Variants in EPG5 observed in about 807,000 individuals in gnomAD.
EPG5 encodes ectopic P-granules 5 autophagy tethering factor, also known as ectopic P granules protein 5 homolog.
In EPG5, 159 loss-of-function variants were observed where a neutral mutation model predicts 302.7. That is an observed-to-expected ratio of 0.53 (90% confidence interval 0.46 to 0.60). EPG5 has a LOEUF of 0.60. Among genes scored for constraint, EPG5 ranks in the 20% least tolerant of loss-of-function variants. The pLI is 0.00. For missense variants in EPG5, 2,896 were observed against 3,092.4 expected (o/e 0.94, Z 1.51); for synonymous variants, 1,158 against 1,136.8 (o/e 1.02, Z -0.37).
At chr18:45,811,689 A>C in the EPG5 span, among the ~76,000 whole-genome samples, 1 of 152,226 alleles carries the variant, frequency 6.6e-6, no homozygotes, top group Non-Finnish European at 1.5e-5. Context: ...CAATAGATGC[A>C]GAAAAGGCCT....
At chr18:45,861,010 A>G (rs1268083688) in intron 39 of EPG5, among the ~76,000 whole-genome samples, 2 of 152,228 alleles carry the variant, frequency 1.3e-5, no homozygotes, top group East Asian at 3.9e-4. Context: ...AAAACAGAAA[A>G]TATATTTTAC....
At chr18:45,880,606 A>T (rs964018585) in intron 31 of EPG5, among the ~76,000 whole-genome samples, 1 of 152,242 alleles carries the variant, frequency 6.6e-6, no homozygotes, top group African/African-American at 2.4e-5. Context: ...CGGAAACCAC[A>T]TGATGAAGGC....
chr18:45,953,395 T>A (rs752655677), intron 2 of EPG5: 1 of 985,252 alleles, frequency 1.0e-6, no homozygotes, highest in Non-Finnish European at 1.2e-6. Context: ...CTTGATTCTA[T>A]CCTCTCTTCT....
chr18:45,868,082 C>T (rs1432863698), intron 36 of EPG5: 2 of 470,364 alleles, frequency 4.3e-6, no homozygotes, highest in South Asian at 3.1e-5. Flanking sequence ...TCAGAATCCT[C>T]AGGTGTGCCA....
the EPG5 span, among the ~76,000 whole-genome samples, chr18:45,801,735 G>C: frequency 2.6e-5 from 4 of 152,134 alleles, no homozygotes; most frequent in Non-Finnish European, 5.9e-5. Context: ...ACTCCCAGGA[G>C]GAAGGGGTAC....
At chr18:45,819,163 CTA>C in the EPG5 span, among the ~76,000 whole-genome samples, 4 of 152,124 alleles carry the variant, frequency 2.6e-5, no homozygotes, top group African/African-American at 7.2e-5. Context: ...TAAATATCAC[CTA>C]TGTTTTCTTC....
chr18:45,816,057 C>T, the EPG5 span, among the ~76,000 whole-genome samples: 1 of 152,116 alleles, frequency 6.6e-6, no homozygotes, highest in Non-Finnish European at 1.5e-5. Context: ...CCCTTTTCAA[C>T]AAATGGTGCT....
chr18:45,860,032 T>C, intron 40 of EPG5, 72 bp downstream of exon 40: 2 of 1,565,174 alleles, frequency 1.3e-6, no homozygotes, highest in Non-Finnish European at 1.7e-6. Context: ...TGGAAACATA[T>C]CTGCTGATGA....
the EPG5 span, among the ~76,000 whole-genome samples, chr18:45,827,345 C>T: frequency 6.6e-6 from 1 of 152,162 alleles, no homozygotes; most frequent in East Asian, 2.0e-4. Context: ...TTGGCTGGGC[C>T]CCCCCACTAC....
chr18:45,903,970 CACCCAGCAAA>C lies in EPG5; in HGVS notation c.4467_4474+2del. On this transcript the variant is annotated splice_donor_variant and coding_sequence_variant, in exon 25 of 44. Transcript: ENST00000282041. LOFTEE classifies it high-confidence loss of function. ...CGAAGGGGCAGGTGCTCCCAGGACCCACCCAGCAAAGGATCAGTGAAGTCCAGCTGCACGG... is the reference window on the plus strand; with the variant it reads ...CGAAGGGGCAGGTGCTCCCAGGACCCGGATCAGTGAAGTCCAGCTGCACGG... 1 of 1,604,710 alleles carries C rather than the reference CACCCAGCAAA, an allele frequency of 6.2e-7. No homozygotes were observed. Among genetic ancestry groups the C allele is most frequent in the Non-Finnish European group, 8.5e-7 (1 of 1,177,996 alleles).
intron 10 of EPG5, among the ~76,000 whole-genome samples, chr18:45,937,586 T>G (rs189125147): frequency 1.3e-3 from 201 of 152,142 alleles, no homozygotes; most frequent in African/African-American, 4.7e-3. Context: ...TTTGTATTTT[T>G]AGTAGAGACA....
At chr18:45,930,988 C>G (rs2050385112) in intron 11 of EPG5, among the ~76,000 whole-genome samples, 158 bp from the exon 12 acceptor site, 1 of 152,218 alleles carries the variant, frequency 6.6e-6, no homozygotes, top group African/African-American at 2.4e-5. Flanking sequence ...AAGGCTGGAC[C>G]AGATGGCCTC....
chr18:45,880,178 A>T lies in EPG5; in HGVS notation c.5564T>A (p.Leu1855Gln). ...GGGGGCGCAGCAGCCCAGGGCTCTCAGAGTGGCCTTCCAACACTCGGGGCT... is the reference window on the plus strand; with the variant it reads ...GGGGGCGCAGCAGCCCAGGGCTCTCTGAGTGGCCTTCCAACACTCGGGGCT... Reference protein sequence around the residue: ...LLSPECWKATLRALGCCAPSC... With the variant: ...LLSPECWKATQRALGCCAPSC... Residue 1855 changes from leucine (L) to glutamine (Q), a missense_variant, in exon 32 of 44, where the codon CTG becomes CAG. Leu to Gln is a moderately radical substitution (Grantham distance 113). This residue lies in a region of EPG5 where 790 missense variants were observed against 798.0 expected (regional missense o/e 0.99). Coordinates refer to ENST00000282041, the MANE Select transcript of EPG5 (RefSeq NM_020964.3). The T allele has an allele frequency of 5.0e-6, 8 of 1,610,842 alleles. No homozygotes were observed. The highest frequency in any genetic ancestry group is 6.8e-6 in the Non-Finnish European group (8 of 1,178,204).
At chr18:45,842,280 C>A in the EPG5 span, 1 of 1,435,740 alleles carries the variant, frequency 7.0e-7, no homozygotes, top group Non-Finnish European at 9.8e-7. Context: ...GGTTCTCGGG[C>A]ACCTTGGCAG....
intron 22 of EPG5, among the ~76,000 whole-genome samples, chr18:45,911,669 T>C (rs1314302032): frequency 6.6e-6 from 1 of 152,126 alleles, no homozygotes; most frequent in Admixed American, 6.5e-5. Flanking sequence ...ACTCTTGACC[T>C]CAAGTGATCC....
At chr18:45,802,117 G>T in the EPG5 span, among the ~76,000 whole-genome samples, 1 of 152,130 alleles carries the variant, frequency 6.6e-6, no homozygotes, top group Non-Finnish European at 1.5e-5. Flanking sequence ...GTGGAGTGCT[G>T]ATGTGATGGA....
rs771184545 is a variant in EPG5 at position 45,850,394 on chromosome 18, A to T, written c.*2073T>A. ...GCTACAGCAGCATGGCCATGTCTGA[A>T]CTAGCTCAGTGTCTTTATAGCACGT... On this transcript the variant is annotated 3_prime_UTR_variant, in exon 44 of 44. Transcript: ENST00000282041. 3.3e-5 allele frequency: 5 copies of T among 152,212 alleles called. No homozygotes were observed. Among genetic ancestry groups the T allele is most frequent in the Non-Finnish European group, 5.9e-5 (4 of 68,054 alleles). The allele number at this position is 152,212 out of a possible 1,614,324, so 9.4% of individuals were successfully genotyped here.
chr18:45,966,048 G>A (rs982481904), intron 1 of EPG5, among the ~76,000 whole-genome samples: 31 of 149,254 alleles, frequency 2.1e-4, no homozygotes, highest in African/African-American at 7.4e-4. Flanking sequence ...ACGACAGAGC[G>A]AGACTCCATA....
Position 45,870,731 on chromosome 18 carries a change from G to A in EPG5, c.6061C>T (p.Pro2021Ser), listed in dbSNP as rs374784153. ...LHESFKDKLL[P>S]GDAGALWLHL... ...AACCAAAGGGCTCCTGCATCACCTGGCAACAGCTTATCTAGAATGTGAAAA... is the reference window on the plus strand; with the variant it reads ...AACCAAAGGGCTCCTGCATCACCTGACAACAGCTTATCTAGAATGTGAAAA... The change falls in exon 36 of 44, where the codon CCA (proline) becomes TCA (serine). Residue 2021 changes from proline to serine, a missense_variant. Pro to Ser is a moderately conservative substitution (Grantham distance 74). Coordinates refer to ENST00000282041, the MANE Select transcript of EPG5 (RefSeq NM_020964.3). The A allele has an allele frequency of 1.9e-6, 3 of 1,605,026 alleles. No individual in the cohort carries two copies. The highest frequency in any genetic ancestry group is 2.6e-6 in the Non-Finnish European group (3 of 1,173,812).
Sources: allele counts gnomAD v4.1 joint callset (sites outside exome capture counted in the v4.1 genomes callset), GRCh38; gene constraint gnomAD v4.1.1; regional missense constraint gnomAD v4.1.1; transcripts MANE v1.5; gene names NCBI Gene and HGNC (gene_info 2026-07-23, HGNC 2026-07-21).